CAMK4: variants seen among roughly 807,000 people sequenced by gnomAD.
The protein encoded by CAMK4 is calcium/calmodulin-dependent protein kinase type IV.
A neutral mutation model predicts 44.9 loss-of-function variants in CAMK4; 22 were observed. The ratio of observed to expected loss-of-function variants is 0.49; its 90% CI spans 0.35 to 0.70. The LOEUF (loss-of-function observed/expected upper bound fraction) is 0.70. Among genes scored for constraint, CAMK4 ranks in the 30% least tolerant of loss-of-function variants. The probability of loss-of-function intolerance (pLI) is 0.01; values close to 1 mark genes in which losing one functional copy is unlikely to be tolerated. For missense variants in CAMK4, 498 were observed against 586.8 expected, an observed-to-expected ratio of 0.85 and a Z score of 1.56; for synonymous variants, 218 against 215.4, an observed-to-expected ratio of 1.01 and a Z score of -0.11.
intron 1 of CAMK4, among the ~76,000 whole-genome samples, chr5:111,312,104 T>G (rs1748230369): frequency 6.6e-6 from 1 of 152,192 alleles, no homozygotes. Context: ...AAGAACTTAT[T>G]CATTCTAAGA....
chr5:111,341,790 G>A (rs980102555), intron 1 of CAMK4, among the ~76,000 whole-genome samples: 1 of 151,210 alleles, frequency 6.6e-6, no homozygotes, highest in Admixed American at 6.6e-5. Context: ...GGAACACTGA[G>A]GGCACAAAGA....
intron 5 of CAMK4, among the ~76,000 whole-genome samples, chr5:111,434,330 A>C (rs1035650196): frequency 6.6e-6 from 1 of 151,586 alleles, no homozygotes; most frequent in African/African-American, 2.4e-5. Flanking sequence ...GAGAATATGA[A>C]GGGCCTTACT....
chr5:111,291,342 G>A (rs1580538194), intron 1 of CAMK4, among the ~76,000 whole-genome samples: 1 of 151,808 alleles, frequency 6.6e-6, no homozygotes, highest in Admixed American at 6.6e-5. Context: ...GTTGATAAAT[G>A]TCTGTTGATT....
chr5:111,403,450 A>G (rs1479708641), intron 5 of CAMK4, among the ~76,000 whole-genome samples: 3 of 152,192 alleles, frequency 2.0e-5, no homozygotes, highest in Non-Finnish European at 4.4e-5. Context: ...AGGTTTGAGC[A>G]CTGATCTTTG....
intron 4 of CAMK4, among the ~76,000 whole-genome samples, chr5:111,377,147 G>T (rs1580672301): frequency 6.6e-6 from 1 of 151,938 alleles, no homozygotes; most frequent in East Asian, 1.9e-4. Context: ...TATTTAGTGA[G>T]TAAAAAGAGG....
At chr5:111,224,342 G>C, upstream of CAMK4, 1 of 1,209,120 alleles carries the variant, frequency 8.3e-7, no homozygotes, top group Non-Finnish European at 1.1e-6. The surrounding 1 kb of genome is among the most constrained non-coding windows in gnomAD (Gnocchi z 5.7). Flanking sequence ...TGCGAGCGCG[G>C]GCGGCGGCGG....
Position 111,331,056 on chromosome 5 carries a change from T to A in CAMK4, c.162-12968T>A, listed in dbSNP as rs116203891. On this transcript the variant is annotated intron_variant, in intron 1 of 10. Coordinates refer to ENST00000282356, the MANE Select transcript of CAMK4 (RefSeq NM_001744.6). ...GGATAATATCTTTATGACTTGAGGA[T>A]GAGCAATGATTTCTTAGAACACAAA... Among the ~76,000 whole-genome samples, 786 of 151,770 alleles carry A rather than the reference T, an allele frequency of 5.2e-3. 9 individuals are homozygous for A. Among genetic ancestry groups the A allele is most frequent in the African/African-American group, 0.018 (750 of 41,462 alleles).
chr5:111,466,517 A>G (rs549891412), intron 7 of CAMK4, among the ~76,000 whole-genome samples: 72 of 152,346 alleles, frequency 4.7e-4, no homozygotes, highest in African/African-American at 1.6e-3. Flanking sequence ...ATACAAAATT[A>G]ATGTACACAA....
At chr5:111,291,866 T>C (rs948782728) in intron 1 of CAMK4, among the ~76,000 whole-genome samples, 4 of 152,238 alleles carry the variant, frequency 2.6e-5, no homozygotes, top group Admixed American at 2.6e-4. Flanking sequence ...TTTCCTTATG[T>C]ACCTTTGAAA....
At chr5:111,454,024 A>G (rs1460222030) in intron 7 of CAMK4, among the ~76,000 whole-genome samples, 1 of 145,474 alleles carries the variant, frequency 6.9e-6, no homozygotes, top group Non-Finnish European at 1.5e-5. Context: ...TTCAGAATTA[A>G]CAAGCCACAG....
intron 1 of CAMK4, chr5:111,282,811 G>A (rs931304248): frequency 4.6e-5 from 7 of 152,180 alleles, no homozygotes; most frequent in Non-Finnish European, 8.8e-5. Flanking sequence ...AGTACAATAA[G>A]TCAAAAGCAC....
chr5:111,241,455 A>G (rs1748988251), intron 1 of CAMK4, among the ~76,000 whole-genome samples: 1 of 152,116 alleles, frequency 6.6e-6, no homozygotes, highest in Non-Finnish European at 1.5e-5. Flanking sequence ...ATGTTGCACG[A>G]TGTCATGTGA....
chr5:111,482,971 T>C lies in CAMK4; in HGVS notation c.981+34T>C, dbSNP rs1050243779. 6.4e-7 allele frequency: 1 copy of C among 1,555,616 alleles called. No individual in the cohort carries two copies. The highest frequency in any genetic ancestry group is 1.4e-5 in the African/African-American group (1 of 71,814). On this transcript the variant is annotated intron_variant, in intron 10 of 10. Transcript: ENST00000282356. This position sits in a 1 kb window ranked among gnomAD's most constrained non-coding sequence, Gnocchi z 4.9. ...GCATATATTTTGTTTTGTTTTGTTT[T>C]GTTTTCAAAAAATTTATCTCATCTT... is the stretch of plus-strand genomic sequence containing the variant.
At chr5:111,230,888 G>A (rs1580453758) in intron 1 of CAMK4, among the ~76,000 whole-genome samples, 1 of 151,410 alleles carries the variant, frequency 6.6e-6, no homozygotes, top group East Asian at 1.9e-4. Context: ...ACAGAATATT[G>A]ATTTTGTAAA....
At chr5:111,227,379 A>G (rs1012451450) in intron 1 of CAMK4, among the ~76,000 whole-genome samples, 6 of 152,204 alleles carry the variant, frequency 3.9e-5, no homozygotes, top group African/African-American at 1.2e-4. Flanking sequence ...TTCATTAGTA[A>G]TGCAGTTGTC....
rs1561445928 is a variant in CAMK4, at chr5:111,371,539, C to T, written c.241-3311C>T. On this transcript the variant is annotated intron_variant, in intron 2 of 10. Coordinates refer to ENST00000282356, the MANE Select transcript of CAMK4 (RefSeq NM_001744.6). ...ATATTTCGTTTGTTTTTTCCTGTGACCCAATTATTTAACATGGGGCTGAGT... is the reference window on the plus strand; with the variant it reads ...ATATTTCGTTTGTTTTTTCCTGTGATCCAATTATTTAACATGGGGCTGAGT... Among the ~76,000 whole-genome samples, 4 of 152,052 alleles carry T rather than the reference C, an allele frequency of 2.6e-5. No homozygotes were observed. The South Asian group carries it at 8.3e-4, about 32-fold the overall frequency.
intron 5 of CAMK4, among the ~76,000 whole-genome samples, chr5:111,395,928 T>C (rs540390206): frequency 6.6e-6 from 1 of 152,316 alleles, no homozygotes; most frequent in Non-Finnish European, 1.5e-5. Flanking sequence ...AATTAAGATA[T>C]ACTCTATTAT....
intron 5 of CAMK4, among the ~76,000 whole-genome samples, chr5:111,427,445 T>C (rs1206968486): frequency 6.6e-6 from 1 of 152,190 alleles, no homozygotes; most frequent in Non-Finnish European, 1.5e-5. Flanking sequence ...CCAAGTGGGT[T>C]CTTGGCAGCT....
At chr5:111,375,012 C>A in intron 3 of CAMK4, 100 bp downstream of exon 3, 1 of 767,648 alleles carries the variant, frequency 1.3e-6, no homozygotes, top group Non-Finnish European at 2.3e-6. Flanking sequence ...GGGATTCTCC[C>A]ACCACTGATA....
Sources: gnomAD v4.1 joint callset for allele counts (sites outside exome capture counted in the v4.1 genomes callset) on GRCh38, gnomAD v4.1.1 for gene constraint, Gnocchi (gnomAD v3.1) non-coding constraint, MANE v1.5 for transcripts, NCBI Gene and HGNC (gene_info 2026-07-23, HGNC 2026-07-21) for gene names.